Variants in LRIF1 observed in about 807,000 individuals in gnomAD.
LRIF1 encodes the protein ligand-dependent nuclear receptor-interacting factor 1.
Under a neutral mutation model 52.7 loss-of-function variants are expected in LRIF1, and 32 were observed. That is an observed-to-expected ratio of 0.61 (90% CI 0.46 to 0.82). The LOEUF is 0.82. Among genes scored for constraint, LRIF1 ranks in the 40% least tolerant of loss-of-function variants. The pLI is 0.00. For missense variants in LRIF1, 887 were observed against 892.0 expected, an observed-to-expected ratio of 0.99 and a Z score of 0.07; for synonymous variants, 323 against 317.4, an observed-to-expected ratio of 1.02 and a Z score of -0.19.
At chr1:110,880,933 G>A in the LRIF1 span, among the ~76,000 whole-genome samples, 1 of 152,160 alleles carries the variant, frequency 6.6e-6, no homozygotes, top group African/African-American at 2.4e-5. Flanking sequence ...TTAGGATGAT[G>A]AGTAACTAAC....
the LRIF1 span, among the ~76,000 whole-genome samples, chr1:110,909,570 T>G: frequency 7.2e-6 from 1 of 138,646 alleles, no homozygotes; most frequent in African/African-American, 2.6e-5. Context: ...AGGGCAGGGG[T>G]AGCTTTTTTT....
In LRIF1 at chr1:110,948,403, C is replaced by A; in HGVS notation, c.1870-4G>T. 1 of 1,604,818 alleles carries A rather than the reference C, an allele frequency of 6.2e-7. No individual in the cohort carries two copies. On this transcript the variant is annotated splice_polypyrimidine_tract_variant and splice_region_variant and intron_variant, in intron 3 of 3. Transcript: ENST00000369763. ...TTCTTTTCTTATCAAAATTCTGCTG[C>A]AATATTGAATAACATTCCAAAACAA...
the LRIF1 span, among the ~76,000 whole-genome samples, chr1:110,878,995 AC>A: frequency 4.9e-3 from 740 of 152,126 alleles, 5 homozygotes; most frequent in African/African-American, 0.017. Context: ...TGGAAAAAAA[AC>A]ATGTGCTTTT....
the LRIF1 span, among the ~76,000 whole-genome samples, chr1:110,935,066 G>T: frequency 6.6e-6 from 1 of 152,172 alleles, no homozygotes; most frequent in Admixed American, 6.5e-5. Context: ...GAGAATTCTG[G>T]ATTTGTCCAA....
the LRIF1 span, among the ~76,000 whole-genome samples, chr1:110,883,666 T>C: frequency 6.6e-6 from 1 of 151,972 alleles, no homozygotes; most frequent in African/African-American, 2.4e-5. Flanking sequence ...CAATAAGACA[T>C]CTGGACTAGC....
At chr1:110,886,865 A>ATTTT in the LRIF1 span, among the ~76,000 whole-genome samples, 918 of 44,306 alleles carry the variant, frequency 0.021, 4 homozygotes, top group South Asian at 0.051. Context: ...ATATATATAT[A>ATTTT]TATATTTTTT....
chr1:110,950,512 T>A (rs1346687029), intron 2 of LRIF1, among the ~76,000 whole-genome samples: 1 of 152,128 alleles, frequency 6.6e-6, no homozygotes, highest in Non-Finnish European at 1.5e-5. Context: ...CCTCCTTACA[T>A]CTCTGGAGTT....
the LRIF1 span, among the ~76,000 whole-genome samples, chr1:110,916,073 T>C: frequency 6.6e-6 from 1 of 152,124 alleles, no homozygotes; most frequent in South Asian, 2.1e-4. Context: ...AATGTGTTTA[T>C]CAAGAGCAGG....
intron 1 of LRIF1, among the ~76,000 whole-genome samples, chr1:110,960,011 A>G (rs912752026): frequency 6.6e-6 from 1 of 152,140 alleles, no homozygotes; most frequent in Non-Finnish European, 1.5e-5. Flanking sequence ...CTAAGTACAT[A>G]ACATAGTTAT....
chr1:110,948,229 A>G lies in LRIF1; in HGVS notation c.2040T>C (p.Ile680=). 1 of 1,614,080 alleles carries G rather than the reference A, an allele frequency of 6.2e-7. No individual in the cohort carries two copies. The highest frequency in any genetic ancestry group is 2.2e-5 in the East Asian group (1 of 44,862). The change falls in exon 4 of 4, where the codon ATT becomes ATC. Residue 680 remains isoleucine (I), a synonymous_variant. Coordinates refer to ENST00000369763, the MANE Select transcript of LRIF1 (RefSeq NM_018372.4). ...GTCTGGTTTTGCTGTGACTCGTGAG[A>G]ATGTTATGTTGTGACACATCTGAAG... The part of the protein sequence containing the change: ...LPTSDVSQHN[I]LTSHSKTRQE...
chr1:110,919,447 G>GGCTA, the LRIF1 span, among the ~76,000 whole-genome samples: 1 of 151,410 alleles, frequency 6.6e-6, no homozygotes, highest in South Asian at 2.1e-4. Context: ...TTGAAGTTTG[G>GGCTA]ACTCTCTTGC....
intron 1 of LRIF1, among the ~76,000 whole-genome samples, chr1:110,958,045 T>C (rs1658778851): frequency 1.3e-5 from 2 of 152,206 alleles, no homozygotes; most frequent in Non-Finnish European, 1.5e-5. Context: ...CTATTATGTA[T>C]CTCTGGCAGA....
In LRIF1 at chr1:110,950,053, C is replaced by T. The variant is rs986726721; in HGVS notation, c.1667G>A (p.Gly556Glu). ...CAGATGTAATGCCTTATTACTTCTT[C>T]CTTGAGAATCTTTCTTGTCATTTCT... Reference protein sequence around the residue: ...QGRNDKKDSQGRSNKALHLKS... With the variant: ...QGRNDKKDSQERSNKALHLKS... The change falls in exon 3 of 4, where the codon GGA becomes GAA. Residue 556 changes from glycine (G) to glutamate (E), a missense_variant. Transcript: ENST00000369763. The T allele has an allele frequency of 1.2e-6, 2 of 1,613,862 alleles. No individual in the cohort carries two copies. The highest frequency in any genetic ancestry group is 2.7e-5 in the African/African-American group (2 of 74,930).
chr1:110,941,004 A>G, the LRIF1 span: 1 of 152,236 alleles, frequency 6.6e-6, no homozygotes. Flanking sequence ...AACACAAAGG[A>G]TAAATGTTTG....
At chr1:110,914,966 T>C in the LRIF1 span, among the ~76,000 whole-genome samples, 1 of 152,088 alleles carries the variant, frequency 6.6e-6, no homozygotes, top group Non-Finnish European at 1.5e-5. Flanking sequence ...TCAACATAAA[T>C]GCATGTTTAT....
At chr1:110,936,551 TGGTATTTGCAA>T in the LRIF1 span, 5 of 152,126 alleles carry the variant, frequency 3.3e-5, no homozygotes. Flanking sequence ...GTTTAAAAGA[TGGTATTTGCAA>T]GCTTCACGGT....
the LRIF1 span, chr1:110,897,620 A>C: frequency 4.2e-6 from 2 of 479,872 alleles, no homozygotes; most frequent in South Asian, 5.8e-5. Context: ...ACACCACCAG[A>C]AAAGTCTGTA....
At chr1:110,912,239 T>C in the LRIF1 span, among the ~76,000 whole-genome samples, 6 of 151,930 alleles carry the variant, frequency 3.9e-5, no homozygotes, top group Non-Finnish European at 8.8e-5. Flanking sequence ...TTAGACCGAG[T>C]CTGGCTCTAT....
rs1394295250 is a variant in LRIF1 at position 110,952,493 on chromosome 1, A to T, written c.391T>A (p.Ser131Thr). 8 of 1,613,258 alleles carry T rather than the reference A, an allele frequency of 5.0e-6. No individual in the cohort carries two copies. Among genetic ancestry groups the T allele is most frequent in the Non-Finnish European group, 6.8e-6 (8 of 1,179,370 alleles). Residue 131 changes from serine to threonine, a missense_variant, in exon 2 of 4, where the codon TCA becomes ACA. Physicochemically the swap from Ser to Thr is moderately conservative, Grantham distance 58 (BLOSUM62 1). Transcript: ENST00000369763. ...CCATGACTCTGAACTTTAGAAACTGATGAAGAAAAATTTCCAGTTCCCACA... is the reference window on the plus strand; with the variant it reads ...CCATGACTCTGAACTTTAGAAACTGTTGAAGAAAAATTTCCAGTTCCCACA... ...TSVGTGNFSS[S>T]VSKVQSHGVK... is the part of the protein sequence containing the mutation.
Sources: allele counts gnomAD v4.1 joint callset (sites outside exome capture counted in the v4.1 genomes callset), GRCh38; gene constraint gnomAD v4.1.1; transcripts MANE v1.5; gene names NCBI Gene and HGNC (gene_info 2026-07-23, HGNC 2026-07-21).